The following SLC13A3 variants were observed in gnomAD, a reference collection of about 807,000 sequenced individuals.
SLC13A3 encodes the protein Na(+)/dicarboxylate cotransporter 3.
SLC13A3 carries 40 observed loss-of-function variants against 59.0 expected under a neutral mutation model. That is an observed-to-expected ratio of 0.68 (90% CI 0.53 to 0.88). SLC13A3 has a LOEUF of 0.88. Among genes scored for constraint, SLC13A3 ranks in the 40% least tolerant of loss-of-function variants. SLC13A3 has a pLI of 0.00. For synonymous variants in SLC13A3, 317 were observed against 330.3 expected (o/e 0.96, Z 0.44); for missense variants, 699 against 783.2 (o/e 0.89, Z 1.28).
At chr20:46,586,548 C>T (rs184991099) in intron 8 of SLC13A3, among the ~76,000 whole-genome samples, 1 of 152,316 alleles carries the variant, frequency 6.6e-6, no homozygotes, top group Non-Finnish European at 1.5e-5. Context: ...CTCCTCTAAG[C>T]TCCAGTCTTG....
chr20:46,608,257 C>T (rs1241091949), intron 3 of SLC13A3, among the ~76,000 whole-genome samples: 1 of 152,162 alleles, frequency 6.6e-6, no homozygotes, highest in Non-Finnish European at 1.5e-5. Context: ...AAGAATATTT[C>T]CTGATACAAA....
Position 46,626,113 on chromosome 20 carries a change from CTCTCTCTCTG to C in SLC13A3, c.112-12398_112-12389del, listed in dbSNP as rs753762478. 7.1e-3 allele frequency among the ~76,000 whole-genome samples: 1,063 copies of C among 150,744 alleles called. 11 individuals are homozygous for C. The highest frequency in any genetic ancestry group is 0.012 in the Non-Finnish European group (800 of 67,808). On this transcript the variant is annotated intron_variant, in intron 1 of 12. Transcript: ENST00000279027. ...AAAGCTGTATTCTCTCTCTCTCTCT[CTCTCTCTCTG>C]TCTCTCTCTCTCTCTGTCTCTCTGT...
Position 46,596,208 on chromosome 20 carries a change from G to A in SLC13A3, c.743C>T (p.Ala248Val). 2 of 1,614,114 alleles carry A rather than the reference G, an allele frequency of 1.2e-6. No individual in the cohort carries two copies. Among genetic ancestry groups the A allele is most frequent in the Non-Finnish European group, 1.7e-6 (2 of 1,180,034 alleles). ...IPYSASIGGTATLTGTAPNLI... is the reference protein window; with the variant it reads ...IPYSASIGGTVTLTGTAPNLI... Reference sequence around the variant, plus strand: ...GTTAGGGGCTGTGCCCGTGAGTGTGGCTGTGCCCCCAATACTGGCTGAGTA... The same window carrying A: ...GTTAGGGGCTGTGCCCGTGAGTGTGACTGTGCCCCCAATACTGGCTGAGTA... Residue 248 changes from alanine to valine, a missense_variant, in exon 5 of 13, where the codon GCC becomes GTC. By Grantham distance (64) the Ala-to-Val change is moderately conservative (BLOSUM62 0). Transcript: ENST00000279027.
intron 3 of SLC13A3, among the ~76,000 whole-genome samples, chr20:46,606,894 C>T (rs2062442261): frequency 1.3e-5 from 2 of 152,210 alleles, no homozygotes; most frequent in African/African-American, 4.8e-5. Context: ...TCACATGGCC[C>T]CTGGGTCCCC....
upstream of SLC13A3, among the ~76,000 whole-genome samples, chr20:46,674,182 C>A (rs1359693551): frequency 5.3e-5 from 8 of 152,176 alleles, no homozygotes; most frequent in Admixed American, 2.0e-4. Flanking sequence ...ACCCCCATAC[C>A]CCGTCAACAT....
chr20:46,653,170 G>A (rs1049092822), upstream of SLC13A3, among the ~76,000 whole-genome samples: 1 of 152,046 alleles, frequency 6.6e-6, no homozygotes, highest in Non-Finnish European at 1.5e-5. Context: ...TGCCAGTTAC[G>A]CTGTTTGCAA....
intron 1 of SLC13A3, among the ~76,000 whole-genome samples, chr20:46,625,999 C>G (rs1354666880): frequency 6.6e-6 from 1 of 152,064 alleles, no homozygotes; most frequent in Non-Finnish European, 1.5e-5. Context: ...AGGTGACATC[C>G]TGTGAGTCCT....
intron 3 of SLC13A3, among the ~76,000 whole-genome samples, chr20:46,601,405 G>A (rs998423963): frequency 2.0e-5 from 3 of 152,142 alleles, no homozygotes; most frequent in African/African-American, 4.8e-5. Flanking sequence ...TTTGAGATAA[G>A]AGCTTGGTGC....
At chr20:46,568,902 C>A (rs1209710428) in intron 10 of SLC13A3, among the ~76,000 whole-genome samples, 2 of 152,230 alleles carry the variant, frequency 1.3e-5, no homozygotes, top group African/African-American at 4.8e-5. Flanking sequence ...GGAGGTCTGG[C>A]AGCTTCCTAA....
At chr20:46,676,971 A>G in intron 1 of SLC13A3, among the ~76,000 whole-genome samples, 1 of 152,164 alleles carries the variant, frequency 6.6e-6, no homozygotes, top group East Asian at 1.9e-4. Context: ...GCTGGAGTGC[A>G]GTGGCGATCT....
chr20:46,612,723 C>T (rs2062511836), intron 2 of SLC13A3, among the ~76,000 whole-genome samples: 1 of 152,074 alleles, frequency 6.6e-6, no homozygotes, highest in Non-Finnish European at 1.5e-5. Context: ...ACCAAATTGC[C>T]AAAAGGGTTT....
At chr20:46,646,872 C>A (rs1331174802) in intron 1 of SLC13A3, among the ~76,000 whole-genome samples, 2 of 152,126 alleles carry the variant, frequency 1.3e-5, no homozygotes, top group Non-Finnish European at 2.9e-5. Flanking sequence ...ACTTGCCCAG[C>A]AAGTATGTGG....
chr20:46,674,588 T>TGTGC (rs1427350004), upstream of SLC13A3, among the ~76,000 whole-genome samples: 66 of 136,822 alleles, frequency 4.8e-4, no homozygotes, highest in African/African-American at 1.8e-3. Context: ...AGGTGGGGAG[T>TGTGC]GCGCGCGCGC....
chr20:46,566,451 A>G (rs762399513), intron 10 of SLC13A3, 61 bp from the exon 11 acceptor site: 51 of 1,568,356 alleles, frequency 3.3e-5, no homozygotes, highest in Non-Finnish European at 4.2e-5. Flanking sequence ...CCCCCCAGAG[A>G]GGGTTAGGAT....
chr20:46,636,864 G>A (rs2062800836), intron 1 of SLC13A3, among the ~76,000 whole-genome samples: 1 of 151,150 alleles, frequency 6.6e-6, no homozygotes, highest in African/African-American at 2.4e-5. Flanking sequence ...GCACTGGCGT[G>A]ATCTCAGCTC....
intron 5 of SLC13A3, among the ~76,000 whole-genome samples, chr20:46,593,216 C>T (rs1450616703): frequency 6.6e-6 from 1 of 152,086 alleles, no homozygotes; most frequent in Non-Finnish European, 1.5e-5. Flanking sequence ...GATGTTTGTT[C>T]GTCAGAATAT....
At chr20:46,585,432 A>G in intron 8 of SLC13A3, 1 of 991,172 alleles carries the variant, frequency 1.0e-6, no homozygotes, top group Non-Finnish European at 1.2e-6. Context: ...AAAGCGGATT[A>G]CAAATAATAT....
intron 1 of SLC13A3, among the ~76,000 whole-genome samples, chr20:46,620,739 T>C (rs540767717): frequency 7.9e-5 from 12 of 152,098 alleles, no homozygotes; most frequent in African/African-American, 2.7e-4. Flanking sequence ...GCAGAAACAA[T>C]AGCCAACACC....
intron 1 of SLC13A3, among the ~76,000 whole-genome samples, chr20:46,642,349 G>C (rs2062853207): frequency 1.3e-5 from 2 of 152,138 alleles, no homozygotes; most frequent in Admixed American, 1.3e-4. Context: ...GGGGACCTTG[G>C]GCTACAACAC....
Sources: allele counts gnomAD v4.1 joint callset (sites outside exome capture counted in the v4.1 genomes callset), GRCh38; gene constraint gnomAD v4.1.1; transcripts MANE v1.5; gene names NCBI Gene and HGNC (gene_info 2026-07-23, HGNC 2026-07-21).